Variants in COX7B2 observed in about 807,000 individuals in gnomAD.
COX7B2 encodes cytochrome c oxidase subunit 7B2, mitochondrial.
For missense variants in COX7B2, 109 were observed against 95.9 expected (o/e 1.14, Z -0.57); for synonymous variants, 37 against 32.1 (o/e 1.15, Z -0.51).
chr4:46,861,169 T>TA (rs1717313393), intron 1 of COX7B2, among the ~76,000 whole-genome samples: 2 of 152,198 alleles, frequency 1.3e-5, no homozygotes, highest in African/African-American at 4.8e-5. Flanking sequence ...GTCACTCTAT[T>TA]TTTACCTTTC....
chr4:46,893,892 C>A (rs1006159447), intron 1 of COX7B2, among the ~76,000 whole-genome samples: 2 of 152,098 alleles, frequency 1.3e-5, no homozygotes, highest in Non-Finnish European at 2.9e-5. Context: ...AGAGCCAAAT[C>A]AGGAAGTCAA....
At chr4:46,830,291 T>C (rs1577623420) in intron 2 of COX7B2, among the ~76,000 whole-genome samples, 1 of 126,314 alleles carries the variant, frequency 7.9e-6, no homozygotes, top group South Asian at 2.4e-4. Context: ...GCCACTGCAC[T>C]CCAGCCTGGG....
At chr4:46,816,715 A>G (rs1232055931) in intron 2 of COX7B2, among the ~76,000 whole-genome samples, 1 of 152,228 alleles carries the variant, frequency 6.6e-6, no homozygotes, top group Non-Finnish European at 1.5e-5. Context: ...AAGGAATTAT[A>G]GTCTATGAGG....
At position 46,761,199 on chromosome 4, in the gene COX7B2, T is replaced by G. The variant is rs561744076; in HGVS notation, c.-49-25958A>C. Among the ~76,000 whole-genome samples, 4 of 152,284 alleles carry G rather than the reference T, an allele frequency of 2.6e-5. No individual in the cohort carries two copies. The South Asian group carries it at 8.3e-4, about 32-fold the overall frequency. On this transcript the variant is annotated intron_variant, in intron 2 of 2. Transcript: ENST00000355591. Reference sequence around the variant, plus strand: ...TGGGTAGAACAAGCTTTTAAAAGGATGCTATGACATCAGAAACCAGAGCTT... The same window carrying G: ...TGGGTAGAACAAGCTTTTAAAAGGAGGCTATGACATCAGAAACCAGAGCTT...
At chr4:46,757,733 C>CT (rs1482779134) in intron 2 of COX7B2, among the ~76,000 whole-genome samples, 1 of 152,102 alleles carries the variant, frequency 6.6e-6, no homozygotes, top group African/African-American at 2.4e-5. Context: ...TTGTGTAAGT[C>CT]TGTCTTATCC....
At chr4:46,794,464 T>C (rs1402287433) in intron 2 of COX7B2, among the ~76,000 whole-genome samples, 1 of 152,218 alleles carries the variant, frequency 6.6e-6, no homozygotes, top group Admixed American at 6.5e-5. Context: ...TAGAGTACAG[T>C]CATTTAAGAC....
At chr4:46,861,892 G>A (rs936702500) in intron 1 of COX7B2, among the ~76,000 whole-genome samples, 1 of 152,142 alleles carries the variant, frequency 6.6e-6, no homozygotes, top group Non-Finnish European at 1.5e-5. Context: ...CAGTTCTCCA[G>A]CTCAGGGTTC....
chr4:46,794,111 A>G (rs1718196384), intron 2 of COX7B2, among the ~76,000 whole-genome samples: 1 of 152,256 alleles, frequency 6.6e-6, no homozygotes, highest in Admixed American at 6.5e-5. Context: ...GGTACAAAGT[A>G]TAACACATAA....
In COX7B2 at chr4:46,797,092, T is replaced by TAAA. The variant is rs762801656; in HGVS notation, c.-50+47865_-50+47867dup. 4.8e-3 allele frequency among the ~76,000 whole-genome samples: 301 copies of TAAA among 62,466 alleles called. 6 individuals are homozygous for TAAA. Among genetic ancestry groups the TAAA allele is most frequent in the African/African-American group, 7.9e-3 (88 of 11,074 alleles). The allele number at this position is 62,466 out of a possible 152,430, so 41.0% of individuals were successfully genotyped here. Reference sequence around the variant, plus strand: ...ATGTACCCTAAAACTTAGAGTATAATAAAAAAAAAAAAAAAAAAAAAAAAA... The same window carrying TAAA: ...ATGTACCCTAAAACTTAGAGTATAATAAAAAAAAAAAAAAAAAAAAAAAAAAAA... On this transcript the variant is annotated intron_variant, in intron 2 of 2. Transcript: ENST00000355591.
At chr4:46,834,272 G>A (rs1394152084) in intron 2 of COX7B2, among the ~76,000 whole-genome samples, 1 of 151,990 alleles carries the variant, frequency 6.6e-6, no homozygotes, top group African/African-American at 2.4e-5. Flanking sequence ...TGATTCTGGA[G>A]TTCAGATGGT....
chr4:46,890,187 AG>A (rs1430815757), intron 1 of COX7B2, among the ~76,000 whole-genome samples: 1 of 152,200 alleles, frequency 6.6e-6, no homozygotes, highest in Non-Finnish European at 1.5e-5. Context: ...TAAAGAGAAA[AG>A]TAAGTCTAGG....
intron 1 of COX7B2, among the ~76,000 whole-genome samples, chr4:46,878,039 A>G (rs1718454517): frequency 6.6e-6 from 1 of 151,764 alleles, no homozygotes; most frequent in Non-Finnish European, 1.5e-5. Context: ...ACACACACAC[A>G]CACAAAGAAT....
chr4:46,831,089 T>C (rs1396235857), intron 2 of COX7B2, among the ~76,000 whole-genome samples: 1 of 151,930 alleles, frequency 6.6e-6, no homozygotes, highest in African/African-American at 2.4e-5. Flanking sequence ...GCAGGCCAGC[T>C]AGAGTTCCGG....
intron 2 of COX7B2, among the ~76,000 whole-genome samples, chr4:46,828,316 T>G (rs1469069888): frequency 6.6e-6 from 1 of 152,074 alleles, no homozygotes; most frequent in East Asian, 1.9e-4. Context: ...TGACAAAAGC[T>G]TCACATATGA....
chr4:46,851,843 G>A (rs1003302366), intron 1 of COX7B2, among the ~76,000 whole-genome samples: 27 of 152,000 alleles, frequency 1.8e-4, no homozygotes, highest in Admixed American at 1.0e-3. Context: ...CTTTCTTAGC[G>A]CATCAAGACC....
chr4:46,834,855 C>T (rs561027862), intron 2 of COX7B2, among the ~76,000 whole-genome samples: 5 of 151,902 alleles, frequency 3.3e-5, no homozygotes, highest in African/African-American at 1.2e-4. Context: ...GACAAAACTC[C>T]AGAGGAAAAA....
chr4:46,814,835 T>C (rs1006445954), intron 2 of COX7B2, among the ~76,000 whole-genome samples: 1 of 152,174 alleles, frequency 6.6e-6, no homozygotes, highest in Non-Finnish European at 1.5e-5. Context: ...TTATAACAAT[T>C]CTATCATTCT....
intron 2 of COX7B2, among the ~76,000 whole-genome samples, chr4:46,741,017 G>T (rs1714672500): frequency 1.3e-5 from 2 of 152,070 alleles, no homozygotes; most frequent in Admixed American, 1.3e-4. Context: ...TTAGATGCCT[G>T]AGTAGAAGGG....
chr4:46,809,245 T>A (rs1431278741), intron 2 of COX7B2, among the ~76,000 whole-genome samples: 1 of 151,856 alleles, frequency 6.6e-6, no homozygotes, highest in Non-Finnish European at 1.5e-5. Context: ...AAGCTCTTAG[T>A]TTTATTTACT....
Sources: gnomAD v4.1 joint callset for allele counts (sites outside exome capture counted in the v4.1 genomes callset) on GRCh38, gnomAD v4.1.1 for gene constraint, MANE v1.5 for transcripts, NCBI Gene and HGNC (gene_info 2026-07-23, HGNC 2026-07-21) for gene names.